ATP8A2: variants seen among roughly 807,000 people sequenced by gnomAD.
The protein encoded by ATP8A2 is ATPase phospholipid transporting 8A2.
Under a neutral mutation model 165.6 loss-of-function variants are expected in ATP8A2, and 100 were observed. That is an observed-to-expected ratio of 0.60 (90% CI 0.51 to 0.71). ATP8A2 has a LOEUF of 0.71. Among genes scored for constraint, ATP8A2 ranks in the 30% least tolerant of loss-of-function variants. The pLI, the probability that ATP8A2 is intolerant of heterozygous loss-of-function variation, is 0.00. For missense variants in ATP8A2, 1,227 were observed against 1,479.5 expected (o/e 0.83, Z 2.80); for synonymous variants, 543 against 548.8 (o/e 0.99, Z 0.15).
rs1352746037 is a variant in ATP8A2, at chr13:26,025,577, C to A, written c.*5592C>A. On this transcript the variant is annotated 3_prime_UTR_variant, in exon 37 of 37. Coordinates refer to ENST00000381655, the MANE Select transcript of ATP8A2 (RefSeq NM_016529.6). ...GGGGGCACGTTTAATTGGCTCCCAG[C>A]AGCGTGGGGGGTGCTTCTATGGTGT... 1 of 152,294 alleles carries A rather than the reference C, an allele frequency of 6.6e-6. No individual in the cohort carries two copies. The highest frequency in any genetic ancestry group is 1.5e-5 in the Non-Finnish European group (1 of 68,074). The allele number at this position is 152,294 out of a possible 1,614,324, so 9.4% of individuals were successfully genotyped here. A position where few individuals can be genotyped will look rare whatever the true frequency, so the allele number is the denominator to read the frequency against.
intron 2 of ATP8A2, among the ~76,000 whole-genome samples, chr13:25,516,760 T>C (rs2037485842): frequency 6.6e-6 from 1 of 151,540 alleles, no homozygotes; most frequent in Non-Finnish European, 1.5e-5. Context: ...ACATTTTTTC[T>C]TTCTTTCTTC....
At chr13:25,414,481 C>T (rs902662762) in intron 1 of ATP8A2, among the ~76,000 whole-genome samples, 5 of 152,104 alleles carry the variant, frequency 3.3e-5, no homozygotes, top group African/African-American at 9.7e-5. Flanking sequence ...TCTGAGCCAC[C>T]GTGCCCAGCT....
intron 11 of ATP8A2, among the ~76,000 whole-genome samples, chr13:25,551,812 A>G (rs1362973881): frequency 6.6e-6 from 1 of 152,058 alleles, no homozygotes; most frequent in East Asian, 1.9e-4. Context: ...TAATACTAAC[A>G]ATTCTAGTCA....
At chr13:25,393,313 G>A (rs888691498) in intron 1 of ATP8A2, among the ~76,000 whole-genome samples, 7 of 151,932 alleles carry the variant, frequency 4.6e-5, no homozygotes, top group African/African-American at 1.5e-4. Context: ...TTTATTTTTT[G>A]TAGTGATGGG....
At chr13:25,452,020 A>AT (rs2035241153) in intron 1 of ATP8A2, among the ~76,000 whole-genome samples, 1 of 151,614 alleles carries the variant, frequency 6.6e-6, no homozygotes, top group East Asian at 1.9e-4. Flanking sequence ...ACACCTGGTT[A>AT]TTTTTTGTAT....
chr13:25,618,155 A>G (rs2040874087), intron 24 of ATP8A2, among the ~76,000 whole-genome samples: 1 of 152,158 alleles, frequency 6.6e-6, no homozygotes, highest in African/African-American at 2.4e-5. Context: ...CTTTTGGTAC[A>G]TGTTATACCT....
At chr13:25,989,661 T>C (rs1024855754) in intron 35 of ATP8A2, among the ~76,000 whole-genome samples, 2 of 152,084 alleles carry the variant, frequency 1.3e-5, no homozygotes, top group Non-Finnish European at 2.9e-5. Flanking sequence ...CACCTTATGC[T>C]CATTCTCTCC....
chr13:25,875,718 AG>A (rs1952804697), intron 33 of ATP8A2, among the ~76,000 whole-genome samples: 2 of 149,496 alleles, frequency 1.3e-5, no homozygotes, highest in African/African-American at 5.2e-5. Flanking sequence ...TTAGCCACAT[AG>A]GTGATGTCTG....
chr13:25,806,793 C>T (rs944680466), intron 27 of ATP8A2, among the ~76,000 whole-genome samples: 2 of 152,086 alleles, frequency 1.3e-5, no homozygotes, highest in African/African-American at 4.8e-5. Flanking sequence ...ACATTCTTAC[C>T]AGCAATGTGC....
intron 16 of ATP8A2, among the ~76,000 whole-genome samples, chr13:25,568,108 C>G (rs1176433742): frequency 2.0e-5 from 3 of 152,180 alleles, no homozygotes; most frequent in Non-Finnish European, 4.4e-5. Flanking sequence ...GTCATCATTT[C>G]AAATTTTCTG....
intron 33 of ATP8A2, among the ~76,000 whole-genome samples, chr13:25,872,702 C>T (rs1952711811): frequency 6.6e-6 from 1 of 152,104 alleles, no homozygotes; most frequent in Non-Finnish European, 1.5e-5. Flanking sequence ...GCTTAGAGTC[C>T]AATAGTCCTG....
intron 30 of ATP8A2, among the ~76,000 whole-genome samples, chr13:25,849,903 C>A (rs1324151522): frequency 6.6e-6 from 1 of 152,190 alleles, no homozygotes; most frequent in Non-Finnish European, 1.5e-5. Flanking sequence ...CCATAAGCAT[C>A]ATCATTATAT....
chr13:25,547,311 G>A (rs886243042), intron 10 of ATP8A2, among the ~76,000 whole-genome samples: 1 of 151,876 alleles, frequency 6.6e-6, no homozygotes, highest in Non-Finnish European at 1.5e-5. Context: ...AAGCAAGCTA[G>A]TGAAGCTTCA....
Position 25,758,464 on chromosome 13 carries a change from C to G in ATP8A2, c.2385-10582C>G, listed in dbSNP as rs558727619. ...AACCACATTTCAGATCAGACTTTGT[C>G]CAAGGAAGTGCTATTATGATGGTAT... On this transcript the variant is annotated intron_variant, in intron 25 of 36. Transcript: ENST00000381655. Among the ~76,000 whole-genome samples the G allele has an allele frequency of 2.6e-5, 4 of 152,242 alleles. No homozygotes were observed. The South Asian group carries it at 8.3e-4, about 32-fold the overall frequency.
intron 1 of ATP8A2, among the ~76,000 whole-genome samples, chr13:25,383,222 T>C (rs934870400): frequency 6.6e-6 from 1 of 152,040 alleles, no homozygotes; most frequent in Non-Finnish European, 1.5e-5. Context: ...ATATTTGTAT[T>C]TTTAGTAGAG....
At chr13:25,549,860 C>T (rs2038766061) in intron 10 of ATP8A2, among the ~76,000 whole-genome samples, 1 of 152,184 alleles carries the variant, frequency 6.6e-6, no homozygotes, top group South Asian at 2.1e-4. Flanking sequence ...GTCTCCACCT[C>T]TCCCTTTGAG....
intron 2 of ATP8A2, among the ~76,000 whole-genome samples, chr13:25,485,002 C>T (rs559876482): frequency 1.3e-5 from 2 of 152,310 alleles, no homozygotes; most frequent in East Asian, 3.9e-4. Flanking sequence ...ACAATTATTT[C>T]TCTAGTACTC....
rs73483649 is a variant in ATP8A2 at position 25,575,359 on chromosome 13, T to C, written c.1712+502T>C. ...TCGGAAGCATTCTTCCCCAGTACAA[T>C]TTTAAAAAGTTAGACCCAGGAATAT... On this transcript the variant is annotated intron_variant, in intron 19 of 36. Coordinates refer to ENST00000381655, the MANE Select transcript of ATP8A2 (RefSeq NM_016529.6). Among the ~76,000 whole-genome samples, 859 of 152,344 alleles carry C rather than the reference T, an allele frequency of 5.6e-3. 7 individuals carry two copies. The highest frequency in any genetic ancestry group is 0.019 in the African/African-American group (806 of 41,574).
chr13:25,549,655 A>G lies in ATP8A2; in HGVS notation c.892-1683A>G, dbSNP rs554038482. ...GTGTCTCCTTCCCCAACCTGCTGTTATTACTGTACTGGTTTCCTCTGGCTG... is the reference window on the plus strand; with the variant it reads ...GTGTCTCCTTCCCCAACCTGCTGTTGTTACTGTACTGGTTTCCTCTGGCTG... On this transcript the variant is annotated intron_variant, in intron 10 of 36. Transcript: ENST00000381655. Among the ~76,000 whole-genome samples, 3 of 151,990 alleles carry G rather than the reference A, an allele frequency of 2.0e-5. No homozygotes were observed. The South Asian group carries it at 6.2e-4, about 32-fold the overall frequency.
Sources: allele counts gnomAD v4.1 joint callset (sites outside exome capture counted in the v4.1 genomes callset), GRCh38; gene constraint gnomAD v4.1.1; transcripts MANE v1.5; gene names NCBI Gene and HGNC (gene_info 2026-07-23, HGNC 2026-07-21).